CSMD1: variants seen among roughly 807,000 people sequenced by gnomAD.
CSMD1 encodes the protein CUB and Sushi multiple domains 1.
In CSMD1, 213 loss-of-function variants were observed where a neutral mutation model predicts 417.5. The ratio of observed to expected loss-of-function variants is 0.51; its 90% CI spans 0.46 to 0.57. CSMD1 has a LOEUF of 0.57. CSMD1 is among the 20% of genes least tolerant of loss of function. The probability of loss-of-function intolerance (pLI) is 0.00; values close to 1 mark genes in which losing one functional copy is unlikely to be tolerated. For synonymous variants in CSMD1, 2,862 were observed against 1,736.8 expected (o/e 1.65, Z -16.11); for missense variants, 6,923 against 4,529.7 (o/e 1.53, Z -15.17).
intron 21 of CSMD1, among the ~76,000 whole-genome samples, chr8:3,354,891 C>CTATAGATCTATCTATAGATATCTA (rs1808660776): frequency 1.4e-5 from 2 of 142,202 alleles, no homozygotes; most frequent in Admixed American, 6.9e-5. Flanking sequence ...ATAGATATGT[C>CTATAGATCTATCTATAGATATCTA]TATCTATAGA....
At chr8:4,839,873 A>T (rs928082629) in intron 1 of CSMD1, among the ~76,000 whole-genome samples, 2 of 152,220 alleles carry the variant, frequency 1.3e-5, no homozygotes, top group African/African-American at 4.8e-5. Flanking sequence ...TTCAATTCTT[A>T]GTACTAGCTA....
chr8:3,455,245 C>T (rs969454188), intron 12 of CSMD1, among the ~76,000 whole-genome samples: 2 of 152,070 alleles, frequency 1.3e-5, no homozygotes, highest in Non-Finnish European at 2.9e-5. Context: ...AACTTCTTTG[C>T]CATGGGTTCA....
chr8:4,663,869 T>G (rs1804758931), intron 1 of CSMD1, among the ~76,000 whole-genome samples: 1 of 152,192 alleles, frequency 6.6e-6, no homozygotes, highest in African/African-American at 2.4e-5. Flanking sequence ...ATACCTGGGC[T>G]GGATCAGGAA....
chr8:3,662,262 A>T (rs1054314592), intron 7 of CSMD1, among the ~76,000 whole-genome samples: 1 of 152,240 alleles, frequency 6.6e-6, no homozygotes, highest in African/African-American at 2.4e-5. Context: ...AGATGGGAGC[A>T]TTTTTATTTT....
At chr8:3,964,888 C>G (rs890640360) in intron 5 of CSMD1, among the ~76,000 whole-genome samples, 10 of 152,136 alleles carry the variant, frequency 6.6e-5, no homozygotes, top group African/African-American at 2.4e-4. Flanking sequence ...ATTATGCCTA[C>G]TTTTAAAAAG....
At chr8:4,538,587 G>C (rs139153261) in intron 2 of CSMD1, among the ~76,000 whole-genome samples, 1 of 151,968 alleles carries the variant, frequency 6.6e-6, no homozygotes, top group East Asian at 1.9e-4. Context: ...ACGTTGCAGT[G>C]AGCCGAGATC....
At chr8:4,083,691 C>G (rs1205611563) in intron 3 of CSMD1, among the ~76,000 whole-genome samples, 5 of 152,062 alleles carry the variant, frequency 3.3e-5, no homozygotes, top group African/African-American at 7.2e-5. Context: ...AAAATCAATT[C>G]AAGATGGATT....
At chr8:4,791,107 G>A (rs1189916180) in intron 1 of CSMD1, among the ~76,000 whole-genome samples, 5 of 152,204 alleles carry the variant, frequency 3.3e-5, no homozygotes, top group East Asian at 3.9e-4. Flanking sequence ...AGAAGAGACG[G>A]GGAGAAGAGA....
At chr8:4,050,826 A>C (rs547428644) in intron 3 of CSMD1, among the ~76,000 whole-genome samples, 1 of 152,184 alleles carries the variant, frequency 6.6e-6, no homozygotes, top group Non-Finnish European at 1.5e-5. Flanking sequence ...CTCAAGTGCC[A>C]ATTTTTAAAA....
intron 5 of CSMD1, among the ~76,000 whole-genome samples, chr8:3,836,884 T>C (rs1201179676): frequency 1.3e-5 from 2 of 152,152 alleles, no homozygotes; most frequent in Non-Finnish European, 2.9e-5. Flanking sequence ...ACTAAAGCAG[T>C]TCTTTAACAT....
intron 17 of CSMD1, among the ~76,000 whole-genome samples, chr8:3,395,495 A>G (rs1377158631): frequency 6.6e-6 from 1 of 152,198 alleles, no homozygotes; most frequent in African/African-American, 2.4e-5. Flanking sequence ...ACAATTACTT[A>G]ATCTCATCAT....
At chr8:3,369,492 A>T in intron 18 of CSMD1, 122 bp from the exon 19 acceptor site, 1 of 605,736 alleles carries the variant, frequency 1.7e-6, no homozygotes, top group Admixed American at 3.0e-5. Flanking sequence ...CATATCCAAG[A>T]AAAACCAAGC....
chr8:4,293,620 G>C (rs1979919), intron 3 of CSMD1, among the ~76,000 whole-genome samples: 141,454 of 152,268 alleles, frequency 0.93, 66,597 homozygotes, highest in Non-Finnish European at 1. Flanking sequence ...TACTGCAATC[G>C]TGTATTTTGA....
intron 5 of CSMD1, 101 bp downstream of exon 5, chr8:3,997,802 G>A: frequency 9.6e-7 from 1 of 1,040,248 alleles, no homozygotes; most frequent in East Asian, 2.6e-5. Flanking sequence ...ACACATGCTT[G>A]CCCATGAACG....
chr8:3,236,739 T>A lies in CSMD1; in HGVS notation c.4154-6508A>T, dbSNP rs62504967. On this transcript the variant is annotated intron_variant, in intron 26 of 69. Transcript: ENST00000635120. ...ACACTTCACTCATTTTTCTCTTAAA[T>A]ATGTTTTCTGCAAATTGGATTTTTT... Among the ~76,000 whole-genome samples the A allele has an allele frequency of 2.5e-3, 386 of 152,344 alleles. 3 individuals are homozygous for A. The highest frequency in any genetic ancestry group is 4.1e-3 in the Admixed American group (63 of 15,302).
At chr8:4,556,907 A>T (rs146222462) in intron 2 of CSMD1, among the ~76,000 whole-genome samples, 89 of 152,344 alleles carry the variant, frequency 5.8e-4, no homozygotes, top group African/African-American at 2.0e-3. Context: ...AATTTATGAA[A>T]TAATTCTTGC....
chr8:4,825,985 A>G (rs1261989855), intron 1 of CSMD1, among the ~76,000 whole-genome samples: 1 of 152,070 alleles, frequency 6.6e-6, no homozygotes, highest in Non-Finnish European at 1.5e-5. Context: ...TAAAAAAAGA[A>G]CAAGTGTTGG....
At chr8:3,522,028 A>G (rs990655903) in intron 10 of CSMD1, among the ~76,000 whole-genome samples, 2 of 152,224 alleles carry the variant, frequency 1.3e-5, no homozygotes, top group African/African-American at 4.8e-5. Flanking sequence ...TCTCAATTAC[A>G]TTAGAGTATT....
chr8:3,723,516 T>C (rs1275380162), intron 6 of CSMD1, among the ~76,000 whole-genome samples: 1 of 152,190 alleles, frequency 6.6e-6, no homozygotes, highest in Non-Finnish European at 1.5e-5. Flanking sequence ...TAGTTGGGCA[T>C]TTAGTCATAT....
Sources: allele counts gnomAD v4.1 joint callset (sites outside exome capture counted in the v4.1 genomes callset), GRCh38; gene constraint gnomAD v4.1.1; transcripts MANE v1.5; gene names NCBI Gene and HGNC (gene_info 2026-07-23, HGNC 2026-07-21).